SHTN1: variants seen among roughly 807,000 people sequenced by gnomAD.
SHTN1 encodes shootin-1.
SHTN1 carries 42 observed loss-of-function variants against 83.1 expected under a neutral mutation model. The observed-to-expected ratio is 0.51, with a 90% CI of 0.39 to 0.65. The LOEUF (loss-of-function observed/expected upper bound fraction) is 0.65. SHTN1 is among the 30% of genes least tolerant of loss of function. SHTN1 has a pLI of 0.00. For synonymous variants in SHTN1, 224 were observed against 247.7 expected (o/e 0.90, Z 0.90); for missense variants, 622 against 737.8 (o/e 0.84, Z 1.82).
At chr10:117,090,817 GGAAA>G (rs1280399149) in intron 1 of SHTN1, among the ~76,000 whole-genome samples, 3 of 130,522 alleles carry the variant, frequency 2.3e-5, no homozygotes, top group South Asian at 2.6e-4. Context: ...AAGGAAGGAA[GGAAA>G]GGAGGGAGGG....
At chr10:117,005,203 C>A, upstream of SHTN1, 1 of 1,522,834 alleles carries the variant, frequency 6.6e-7, no homozygotes. Context: ...TGGATCCGCT[C>A]CCGCTCCTCC....
chr10:116,887,733 C>T (rs780410405), intron 16 of SHTN1, among the ~76,000 whole-genome samples: 1 of 152,194 alleles, frequency 6.6e-6, no homozygotes, highest in Non-Finnish European at 1.5e-5. Flanking sequence ...GAGGCAGGGA[C>T]TGTTTAGCTT....
At chr10:117,103,264 T>C (rs1007802739) in intron 1 of SHTN1, among the ~76,000 whole-genome samples, 2 of 151,858 alleles carry the variant, frequency 1.3e-5, no homozygotes, top group African/African-American at 4.8e-5. Flanking sequence ...TAATTTTTTA[T>C]ATTGTTGGTA....
rs1847045920 is a variant in SHTN1 at position 116,882,396 on chromosome 10, GATAA to G, written c.*3944_*3947del. The G allele has an allele frequency of 9.4e-6, 1 of 106,396 alleles. No homozygotes were observed. Among genetic ancestry groups the G allele is most frequent in the African/African-American group, 3.8e-5 (1 of 26,052 alleles). 6.6% of individuals were successfully genotyped at this position (106,396 alleles called of 1,614,324 possible). On this transcript the variant is annotated 3_prime_UTR_variant, in exon 17 of 17. Coordinates refer to ENST00000355371, the MANE Select transcript of SHTN1 (RefSeq NM_001127211.3). ...AGCATTTAAAAAGCAATCCGCAAGT[GATAA>G]AAAAAAAAAAAAAAAATGATGTGAC...
chr10:117,103,801 G>C (rs1299231393), intron 1 of SHTN1, among the ~76,000 whole-genome samples: 4 of 151,954 alleles, frequency 2.6e-5, no homozygotes, highest in Admixed American at 1.3e-4. Context: ...CTCCCAAAGT[G>C]CTGGGATTAC....
At chr10:117,021,530 T>C (rs10128516) in intron 2 of SHTN1, among the ~76,000 whole-genome samples, 98,784 of 152,138 alleles carry the variant, frequency 0.65, 35,771 homozygotes, top group Middle Eastern at 0.84. Context: ...AATTCATTCA[T>C]AAAACTATAA....
chr10:116,924,610 T>C (rs1046381568), intron 11 of SHTN1, among the ~76,000 whole-genome samples: 6 of 152,094 alleles, frequency 3.9e-5, no homozygotes, highest in African/African-American at 1.2e-4. Flanking sequence ...CAGAGGAGAT[T>C]AGGTCAAGAC....
intron 1 of SHTN1, among the ~76,000 whole-genome samples, chr10:117,067,916 A>T (rs1405560614): frequency 6.6e-6 from 1 of 152,186 alleles, no homozygotes; most frequent in East Asian, 1.9e-4. Context: ...AGTACCATTT[A>T]CTGAGAGAGG....
At chr10:116,956,091 G>A (rs1455829521) in intron 4 of SHTN1, among the ~76,000 whole-genome samples, 1 of 152,166 alleles carries the variant, frequency 6.6e-6, no homozygotes, top group Non-Finnish European at 1.5e-5. Context: ...AAAAAGTGAA[G>A]ACATTTAAGA....
Position 116,881,903 on chromosome 10 carries a change from G to A in SHTN1, c.*4441C>T. 2.7e-6 allele frequency: 1 copy of A among 375,108 alleles called. No individual in the cohort carries two copies. The highest frequency in any genetic ancestry group is 4.7e-6 in the Non-Finnish European group (1 of 212,954). The allele number at this position is 375,108 out of a possible 1,614,324, so 23.2% of individuals were successfully genotyped here. A position where few individuals can be genotyped will look rare whatever the true frequency, so the allele number is the denominator to read the frequency against. On this transcript the variant is annotated 3_prime_UTR_variant, in exon 17 of 17. Transcript: ENST00000355371. ...CCATGTGGATTTTGTTTGTCTATTAGCTCTCCTGTCCATTTTTCAGGGACA... is the reference window on the plus strand; with the variant it reads ...CCATGTGGATTTTGTTTGTCTATTAACTCTCCTGTCCATTTTTCAGGGACA...
chr10:116,953,255 CAT>C (rs1458840237), intron 5 of SHTN1, among the ~76,000 whole-genome samples: 3 of 152,190 alleles, frequency 2.0e-5, no homozygotes, highest in Non-Finnish European at 4.4e-5. Context: ...GTAGATGTAT[CAT>C]ATGATCTTGC....
chr10:116,923,324 T>C (rs1450877615), intron 11 of SHTN1, among the ~76,000 whole-genome samples: 1 of 152,182 alleles, frequency 6.6e-6, no homozygotes, highest in Non-Finnish European at 1.5e-5. Flanking sequence ...ATTTCCTCCA[T>C]AAAATGTTTA....
chr10:116,894,878 T>G (rs918998993), intron 16 of SHTN1, among the ~76,000 whole-genome samples: 10 of 152,118 alleles, frequency 6.6e-5, no homozygotes, highest in Admixed American at 3.3e-4. Flanking sequence ...AACATGAAAC[T>G]CTTAAGCCTC....
chr10:117,019,025 TC>T (rs1265825175), intron 2 of SHTN1, among the ~76,000 whole-genome samples: 1 of 152,026 alleles, frequency 6.6e-6, no homozygotes, highest in Non-Finnish European at 1.5e-5. Flanking sequence ...ACAGGAATTT[TC>T]AAAAAAGCTA....
intron 2 of SHTN1, among the ~76,000 whole-genome samples, chr10:117,030,729 A>C (rs1441303156): frequency 6.6e-6 from 1 of 152,054 alleles, no homozygotes; most frequent in Non-Finnish European, 1.5e-5. Flanking sequence ...AGAATGCATC[A>C]GTCTTTTAGT....
At chr10:116,901,459 A>G (rs1326781666) in intron 16 of SHTN1, 4 of 985,198 alleles carry the variant, frequency 4.1e-6, no homozygotes, top group Non-Finnish European at 4.8e-6. Context: ...TTTAATCTTG[A>G]AAGACTGATT....
intron 1 of SHTN1, among the ~76,000 whole-genome samples, chr10:117,098,918 A>C (rs1853546152): frequency 6.6e-6 from 1 of 152,064 alleles, no homozygotes; most frequent in Admixed American, 6.6e-5. Flanking sequence ...AAAAGACTTC[A>C]AATTTATAAA....
At position 116,882,417 on chromosome 10, in the gene SHTN1, T is replaced by C. The variant is rs1031982459; in HGVS notation, c.*3927A>G. The C allele has an allele frequency of 9.9e-6, 1 of 100,612 alleles. No individual in the cohort carries two copies. The highest frequency in any genetic ancestry group is 3.9e-5 in the African/African-American group (1 of 25,608). 6.2% of individuals were successfully genotyped at this position (100,612 alleles called of 1,614,324 possible). ...AAGTGATAAAAAAAAAAAAAAAAAATGATGTGACATATCCATTGCCTGAAT... is the reference window on the plus strand; with the variant it reads ...AAGTGATAAAAAAAAAAAAAAAAAACGATGTGACATATCCATTGCCTGAAT... On this transcript the variant is annotated 3_prime_UTR_variant, in exon 17 of 17. Coordinates refer to ENST00000355371, the MANE Select transcript of SHTN1 (RefSeq NM_001127211.3).
chr10:116,906,443 A>G (rs1006475170), intron 15 of SHTN1, among the ~76,000 whole-genome samples, 184 bp downstream of exon 15: 1 of 152,254 alleles, frequency 6.6e-6, no homozygotes, highest in Non-Finnish European at 1.5e-5. Context: ...ACCAATAAAT[A>G]AAAATATCTA....
Sources: allele counts gnomAD v4.1 joint callset (sites outside exome capture counted in the v4.1 genomes callset), GRCh38; gene constraint gnomAD v4.1.1; transcripts MANE v1.5; gene names NCBI Gene and HGNC (gene_info 2026-07-23, HGNC 2026-07-21).